Variants in ZNF398 observed in about 807,000 individuals in gnomAD.
The protein encoded by ZNF398 is zinc finger DNA binding protein ZER6.
Under a neutral mutation model 41.9 loss-of-function variants are expected in ZNF398, and 18 were observed. That is an observed-to-expected ratio of 0.43 (90% CI 0.30 to 0.64). The LOEUF (loss-of-function observed/expected upper bound fraction) is 0.64, where lower values mean the gene tolerates loss of function less well. Among genes scored for constraint, ZNF398 ranks in the 30% least tolerant of loss-of-function variants. The pLI, the probability that ZNF398 is intolerant of heterozygous loss-of-function variation, is 0.14. For missense variants in ZNF398, 669 were observed against 822.8 expected, an observed-to-expected ratio of 0.81 and a Z score of 2.29; for synonymous variants, 260 against 308.8, an observed-to-expected ratio of 0.84 and a Z score of 1.66.
intron 1 of ZNF398, chr7:149,148,630 T>C (rs1035019105): frequency 3.1e-5 from 8 of 258,266 alleles, no homozygotes; most frequent in Non-Finnish European, 4.8e-5. Flanking sequence ...TGTTTTTCTT[T>C]TTTCCAACCT....
intron 4 of ZNF398, among the ~76,000 whole-genome samples, chr7:149,173,880 G>A (rs961131846): frequency 7.2e-6 from 1 of 138,204 alleles, no homozygotes; most frequent in Non-Finnish European, 1.5e-5. Context: ...CGCAACCTCC[G>A]CCTCCTGGGT....
chr7:149,168,742 A>G (rs1343117579), intron 4 of ZNF398, among the ~76,000 whole-genome samples: 2 of 151,792 alleles, frequency 1.3e-5, no homozygotes, highest in Non-Finnish European at 2.9e-5. Flanking sequence ...TTTAGTAGAG[A>G]TGGGGTTTCA....
intron 2 of ZNF398, among the ~76,000 whole-genome samples, chr7:149,140,415 C>T (rs192167150): frequency 7.7e-4 from 117 of 152,092 alleles, no homozygotes; most frequent in African/African-American, 2.1e-3. Context: ...GACAGAGTCT[C>T]GCTCTGTTCC....
At chr7:149,141,174 T>C (rs912247370) in intron 2 of ZNF398, among the ~76,000 whole-genome samples, 1 of 151,968 alleles carries the variant, frequency 6.6e-6, no homozygotes, top group Non-Finnish European at 1.5e-5. Context: ...ATATGATAAA[T>C]CATCTTTAAA....
rs1475550312 is a variant in ZNF398 at position 149,134,090 on chromosome 7, G to C, written c.-490+5146G>C. Among the ~76,000 whole-genome samples the C allele has an allele frequency of 5.8e-5, 8 of 137,634 alleles. No individual in the cohort carries two copies. In the South Asian group the frequency reaches 1.9e-3, roughly 32 times the overall value. 90.3% of individuals were successfully genotyped at this position (137,634 alleles called of 152,430 possible). ...TTTTTTTTTTTTTTTTTGAGACGGA[G>C]TTTCGCTCTTGTTGCCCAGGGTGGA... On this transcript the variant is annotated intron_variant, in intron 2 of 6. Transcript: ENST00000426851.
At chr7:149,133,354 T>TA (rs1313530654) in intron 2 of ZNF398, among the ~76,000 whole-genome samples, 1 of 152,012 alleles carries the variant, frequency 6.6e-6, no homozygotes, top group African/African-American at 2.4e-5. Context: ...GCTCAAGTGA[T>TA]CTGCCCACCC....
chr7:149,143,177 A>G (rs1392229515), upstream of ZNF398, among the ~76,000 whole-genome samples: 1 of 152,180 alleles, frequency 6.6e-6, no homozygotes, highest in Non-Finnish European at 1.5e-5. Flanking sequence ...GGCGGCAAGC[A>G]GGAACATTGT....
intron 2 of ZNF398, among the ~76,000 whole-genome samples, chr7:149,165,726 A>G (rs1795214367): frequency 6.6e-6 from 1 of 152,218 alleles, no homozygotes; most frequent in African/African-American, 2.4e-5. Flanking sequence ...GGAACTCTGT[A>G]CTTGGCAAAA....
At chr7:149,133,654 A>AATATATATAT (rs146151029) in intron 2 of ZNF398, among the ~76,000 whole-genome samples, 12 of 71,850 alleles carry the variant, frequency 1.7e-4, no homozygotes, top group Non-Finnish European at 1.9e-4. Context: ...GTGTTTTTTA[A>AATATATATAT]ATATATATAT....
chr7:149,127,965 G>T (rs1022356607), intron 1 of ZNF398, among the ~76,000 whole-genome samples: 3 of 152,134 alleles, frequency 2.0e-5, no homozygotes, highest in Non-Finnish European at 4.4e-5. Context: ...TCTCTTTTTA[G>T]AAATGGTATA....
chr7:149,140,638 C>T (rs1320945796), intron 2 of ZNF398, among the ~76,000 whole-genome samples: 3 of 152,156 alleles, frequency 2.0e-5, no homozygotes, highest in African/African-American at 7.2e-5. Flanking sequence ...CCCGACTCGG[C>T]CTCCCAAAGT....
intron 1 of ZNF398, chr7:149,148,586 G>A (rs564564350): frequency 2.9e-5 from 19 of 654,928 alleles, no homozygotes; most frequent in Non-Finnish European, 3.6e-5. Flanking sequence ...GTAGGGGGTA[G>A]AGCAGAGGGA....
At chr7:149,155,705 A>ATT (rs1563159463) in intron 2 of ZNF398, among the ~76,000 whole-genome samples, 13 of 66,656 alleles carry the variant, frequency 2.0e-4, no homozygotes, top group Admixed American at 7.2e-4. Context: ...ATATATATAT[A>ATT]TATTTTTTTT....
Position 149,147,914 on chromosome 7 carries a change from C to G in ZNF398, c.24+148C>G. The G allele has an allele frequency of 9.4e-7, 1 of 1,058,720 alleles. No homozygotes were observed. Among genetic ancestry groups the G allele is most frequent in the Non-Finnish European group, 1.2e-6 (1 of 816,756 alleles). The allele number at this position is 1,058,720 out of a possible 1,614,324, so 65.6% of individuals were successfully genotyped here. On this transcript the variant is annotated intron_variant, in intron 1 of 5. Coordinates refer to ENST00000475153, the MANE Select transcript of ZNF398 (RefSeq NM_170686.3). The surrounding 1 kb of genome is among the most constrained non-coding windows in gnomAD (Gnocchi z 5.6). ...TGTCGCCCGTGCTTGGCGGCTGCAG[C>G]CTCGCGTGAGGGGACTTAGCGGGTG...
In ZNF398 at chr7:149,182,507, G is replaced by A. The variant is rs1174125810; in HGVS notation, c.*2706G>A. The A allele has an allele frequency of 6.6e-6, 1 of 152,208 alleles. No homozygotes were observed. Among genetic ancestry groups the A allele is most frequent in the African/African-American group, 2.4e-5 (1 of 41,440 alleles). 9.4% of individuals were successfully genotyped at this position (152,208 alleles called of 1,614,324 possible). A position where few individuals can be genotyped will look rare whatever the true frequency, so the allele number is the denominator to read the frequency against. ...CTTGGCCTATCAAGTGCTCCTGAGA[G>A]AAACCATGCAATTTAACACTTCAGT... On this transcript the variant is annotated 3_prime_UTR_variant, in exon 6 of 6. Coordinates refer to ENST00000475153, the MANE Select transcript of ZNF398 (RefSeq NM_170686.3).
At chr7:149,146,418 C>G (rs1826943986), upstream of ZNF398, among the ~76,000 whole-genome samples, 1 of 152,100 alleles carries the variant, frequency 6.6e-6, no homozygotes, top group South Asian at 2.1e-4. Context: ...GGCTTGGTAG[C>G]TGCGCCTGTA....
At chr7:149,162,634 T>A (rs1795134557) in intron 2 of ZNF398, among the ~76,000 whole-genome samples, 1 of 152,074 alleles carries the variant, frequency 6.6e-6, no homozygotes, top group Non-Finnish European at 1.5e-5. Context: ...CTGGCCTGAA[T>A]TATAGATTGC....
At chr7:149,147,023 C>G (rs985327198), upstream of ZNF398, 4 of 152,266 alleles carry the variant, frequency 2.6e-5, no homozygotes, top group African/African-American at 9.7e-5. The surrounding 1 kb of genome is among the most constrained non-coding windows in gnomAD (Gnocchi z 5.6). Flanking sequence ...TGATCTATAT[C>G]TTCTTCATTC....
Position 149,147,897 on chromosome 7 carries a change from G to A in ZNF398, c.24+131G>A, listed in dbSNP as rs941026129. 2.7e-6 allele frequency: 3 copies of A among 1,126,646 alleles called. No individual in the cohort carries two copies. Among genetic ancestry groups the A allele is most frequent in the East Asian group, 3.3e-5 (1 of 30,602 alleles). The allele number at this position is 1,126,646 out of a possible 1,614,324, so 69.8% of individuals were successfully genotyped here. The stretch of plus-strand genomic sequence containing the variant: ...CCGCCGGCCACGTCGCCTGTCGCCC[G>A]TGCTTGGCGGCTGCAGCCTCGCGTG... On this transcript the variant is annotated intron_variant, in intron 1 of 5. Transcript: ENST00000475153. This position sits in a 1 kb window ranked among gnomAD's most constrained non-coding sequence, Gnocchi z 5.6.
Sources: gnomAD v4.1 joint callset for allele counts (sites outside exome capture counted in the v4.1 genomes callset) on GRCh38, gnomAD v4.1.1 for gene constraint, Gnocchi (gnomAD v3.1) non-coding constraint, MANE v1.5 for transcripts, NCBI Gene and HGNC (gene_info 2026-07-23, HGNC 2026-07-21) for gene names.